The following CD200R1 variants were observed in gnomAD, a reference collection of about 807,000 sequenced individuals.
CD200R1 encodes cell surface glycoprotein CD200 receptor 1.
A neutral mutation model predicts 38.1 loss-of-function variants in CD200R1; 30 were observed. That is an observed-to-expected ratio of 0.79 (90% CI 0.59 to 1.07). CD200R1 has a LOEUF of 1.07. CD200R1 is among the 50% of genes least tolerant of loss of function. The pLI is 0.00. For synonymous variants in CD200R1, 128 were observed against 152.1 expected, an observed-to-expected ratio of 0.84 and a Z score of 1.16; for missense variants, 372 against 415.4, an observed-to-expected ratio of 0.90 and a Z score of 0.91.
At chr3:112,949,933 G>T (rs183401160) in intron 1 of CD200R1, among the ~76,000 whole-genome samples, 1 of 152,254 alleles carries the variant, frequency 6.6e-6, no homozygotes, top group African/African-American at 2.4e-5. Context: ...GATGAAGCTG[G>T]ATTAAAAATA....
At chr3:112,927,004 T>C (rs1416358305) in intron 5 of CD200R1, among the ~76,000 whole-genome samples, 1 of 151,978 alleles carries the variant, frequency 6.6e-6, no homozygotes, top group Non-Finnish European at 1.5e-5. Context: ...GGGCTAAAAG[T>C]TGAGAGCTTC....
At chr3:112,958,915 C>T (rs1458447405) in intron 1 of CD200R1, among the ~76,000 whole-genome samples, 1 of 152,036 alleles carries the variant, frequency 6.6e-6, no homozygotes. Context: ...TATGCCTGAG[C>T]AAGCATATAC....
intron 1 of CD200R1, among the ~76,000 whole-genome samples, chr3:112,973,336 T>C (rs577964384): frequency 6.6e-6 from 1 of 152,304 alleles, no homozygotes; most frequent in South Asian, 2.1e-4. Context: ...AAGTATTGGC[T>C]TGACTTTTTT....
At chr3:112,926,209 G>T (rs2107300629) in intron 5 of CD200R1, among the ~76,000 whole-genome samples, 1 of 152,224 alleles carries the variant, frequency 6.6e-6, no homozygotes, top group South Asian at 2.1e-4. Flanking sequence ...ATCAACCAAG[G>T]AATTGCCAGC....
chr3:112,949,258 C>A (rs1436799198), intron 1 of CD200R1, among the ~76,000 whole-genome samples: 1 of 152,200 alleles, frequency 6.6e-6, no homozygotes, highest in African/African-American at 2.4e-5. Context: ...AATGTGTTCA[C>A]AAGGAAAAGA....
intron 2 of CD200R1, among the ~76,000 whole-genome samples, chr3:112,940,294 G>A (rs915012972): frequency 4.6e-5 from 7 of 151,464 alleles, no homozygotes; most frequent in South Asian, 4.2e-4. Context: ...CAATAGCATA[G>A]GTAACTAAAG....
intron 1 of CD200R1, among the ~76,000 whole-genome samples, chr3:112,967,757 T>C (rs966657773): frequency 5.9e-5 from 9 of 152,214 alleles, no homozygotes; most frequent in Non-Finnish European, 1.0e-4. Flanking sequence ...TCATTTCAAG[T>C]GTATCACATC....
In CD200R1 at chr3:112,928,907, T is replaced by G. The variant is rs535843148; in HGVS notation, c.678A>C (p.Thr226=). ...ACACATTGTGGACCTCCCAGTGGCA[T>G]GTACTCTTAACAGTCACTGTGCCAT... ...WSNGTVTVKS[T]CHWEVHNVST... Residue 226 remains threonine (T), a synonymous_variant, in exon 5 of 8, where the codon ACA becomes ACC. Transcript: ENST00000308611. The G allele has an allele frequency of 4.1e-5, 66 of 1,613,966 alleles. No individual in the cohort carries two copies. Among genetic ancestry groups the G allele is most frequent in the Non-Finnish European group, 5.3e-5 (63 of 1,179,956 alleles).
chr3:112,958,024 T>C (rs1426224962), intron 1 of CD200R1, among the ~76,000 whole-genome samples: 1 of 152,168 alleles, frequency 6.6e-6, no homozygotes, highest in African/African-American at 2.4e-5. Flanking sequence ...AAAACTCTCA[T>C]ACATTACTAG....
intron 2 of CD200R1, among the ~76,000 whole-genome samples, chr3:112,942,252 A>G (rs1202885272): frequency 6.6e-6 from 1 of 151,702 alleles, no homozygotes; most frequent in Non-Finnish European, 1.5e-5. Context: ...GATAGTAACA[A>G]TGTATTTGAT....
chr3:112,934,472 A>C (rs536299120), intron 2 of CD200R1, among the ~76,000 whole-genome samples: 2 of 152,334 alleles, frequency 1.3e-5, no homozygotes, highest in South Asian at 2.1e-4. Flanking sequence ...CTATCAAATA[A>C]TCTTGAATGT....
intron 1 of CD200R1, among the ~76,000 whole-genome samples, chr3:112,968,525 C>G (rs919826823): frequency 2.0e-5 from 3 of 152,070 alleles, no homozygotes; most frequent in East Asian, 1.9e-4. Flanking sequence ...AATAGGGGAT[C>G]AGAGTTGTGG....
Position 112,930,436 on chromosome 3 carries a change from C to A in CD200R1, c.202+670G>T, listed in dbSNP as rs536183508. 5.3e-5 allele frequency among the ~76,000 whole-genome samples: 8 copies of A among 152,286 alleles called. No homozygotes were observed. In the South Asian group the frequency reaches 6.2e-4, roughly 12 times the overall value. ...TGTATATTCAATCCAATTATCAACA[C>A]TAAAGGCGTAAGTTGATCCCTGTTG... On this transcript the variant is annotated intron_variant, in intron 3 of 7. Transcript: ENST00000308611.
chr3:112,954,791 A>G (rs1424887474), intron 1 of CD200R1, among the ~76,000 whole-genome samples: 1 of 152,168 alleles, frequency 6.6e-6, no homozygotes, highest in Non-Finnish European at 1.5e-5. Flanking sequence ...CCTTTGTAAT[A>G]TCTTTCATAA....
intron 2 of CD200R1, among the ~76,000 whole-genome samples, chr3:112,936,334 G>A (rs534298676): frequency 7.2e-5 from 11 of 152,210 alleles, no homozygotes; most frequent in East Asian, 1.9e-4. Context: ...TCAGATTGCC[G>A]AGTCAAACAG....
rs951139276 is a variant in CD200R1 at position 112,974,958 on chromosome 3, G to A, written c.-101C>T. 1.1e-6 allele frequency: 1 copy of A among 887,260 alleles called. No homozygotes were observed. The highest frequency in any genetic ancestry group is 1.7e-5 in the African/African-American group (1 of 60,526). 55.0% of individuals were successfully genotyped at this position (887,260 alleles called of 1,614,324 possible). ...GAGACCCTCTCTGGTCAACTTCTCA[G>A]TACAGGATCCTCTTACCCCATCAAC... On this transcript the variant is annotated 5_prime_UTR_variant, in exon 1 of 8. Transcript: ENST00000308611.
intron 2 of CD200R1, 79 bp downstream of exon 2, chr3:112,947,777 T>C: frequency 1.1e-6 from 1 of 876,396 alleles, no homozygotes; most frequent in Non-Finnish European, 2.0e-6. Flanking sequence ...CATGAGACAA[T>C]TCAAGATCCA....
intron 1 of CD200R1, among the ~76,000 whole-genome samples, chr3:112,949,766 C>T (rs1170580083): frequency 2.6e-5 from 4 of 152,234 alleles, no homozygotes; most frequent in East Asian, 3.9e-4. Context: ...AAAAGCAGAT[C>T]GCATGGCAAG....
At chr3:112,937,320 G>C (rs905134997) in intron 2 of CD200R1, among the ~76,000 whole-genome samples, 1 of 152,140 alleles carries the variant, frequency 6.6e-6, no homozygotes, top group Non-Finnish European at 1.5e-5. Context: ...GACACATGGA[G>C]ATTATAGAAA....
Sources: gnomAD v4.1 joint callset for allele counts (sites outside exome capture counted in the v4.1 genomes callset) on GRCh38, gnomAD v4.1.1 for gene constraint, MANE v1.5 for transcripts, NCBI Gene and HGNC (gene_info 2026-07-23, HGNC 2026-07-21) for gene names.